FILIP1L: variants seen among roughly 807,000 people sequenced by gnomAD.
FILIP1L encodes filamin A interacting protein 1 like.
A neutral mutation model predicts 96.6 loss-of-function variants in FILIP1L; 55 were observed. The observed-to-expected ratio is 0.57, with a 90% CI of 0.46 to 0.71. FILIP1L has a LOEUF of 0.71. FILIP1L is among the 30% of genes least tolerant of loss of function. The pLI is 0.00. For missense variants in FILIP1L, 1,304 were observed against 1,321.2 expected (o/e 0.99, Z 0.20); for synonymous variants, 467 against 473.9 (o/e 0.99, Z 0.19).
chr3:100,081,030 G>T (rs1217176625), intron 1 of FILIP1L, among the ~76,000 whole-genome samples: 1 of 152,174 alleles, frequency 6.6e-6, no homozygotes, highest in Non-Finnish European at 1.5e-5. Flanking sequence ...TGAGCATCTT[G>T]TGTAATGAAG....
intron 4 of FILIP1L, among the ~76,000 whole-genome samples, chr3:99,864,756 C>CA (rs1430064600): frequency 2.0e-5 from 3 of 152,196 alleles, no homozygotes; most frequent in African/African-American, 7.2e-5. Flanking sequence ...CAGAACACGG[C>CA]ATGGTGTGCT....
Position 100,065,833 on chromosome 3 carries a change from C to T in FILIP1L, c.-11+48220G>A, listed in dbSNP as rs6789840. On this transcript the variant is annotated intron_variant, in intron 1 of 5. Transcript: ENST00000477258. ...AATTCCATCAATAAATGTTTATTGG[C>T]CAGGTATCATTTACCTAATACTGTG... Among the ~76,000 whole-genome samples, 674 of 152,238 alleles carry T rather than the reference C, an allele frequency of 4.4e-3. 7 individuals carry two copies. Among genetic ancestry groups the T allele is most frequent in the African/African-American group, 0.016 (660 of 41,538 alleles).
intron 1 of FILIP1L, among the ~76,000 whole-genome samples, chr3:100,013,216 GTT>G (rs1491564823): frequency 3.4e-5 from 4 of 119,182 alleles, no homozygotes; most frequent in African/African-American, 7.1e-5. Flanking sequence ...CCAGTGAGGT[GTT>G]GTTGTTGTTG....
At chr3:100,061,480 C>T (rs954632243) in intron 1 of FILIP1L, among the ~76,000 whole-genome samples, 4 of 152,214 alleles carry the variant, frequency 2.6e-5, no homozygotes, top group Non-Finnish European at 5.9e-5. Context: ...TCTCCTCCTA[C>T]CCACATTTTC....
chr3:99,985,163 A>T (rs543882406), intron 1 of FILIP1L, among the ~76,000 whole-genome samples: 2 of 152,290 alleles, frequency 1.3e-5, no homozygotes, highest in South Asian at 4.1e-4. Context: ...TTGAACAAAA[A>T]ATCATCCTAG....
At chr3:100,050,880 T>C (rs887893136) in intron 1 of FILIP1L, among the ~76,000 whole-genome samples, 1 of 152,160 alleles carries the variant, frequency 6.6e-6, no homozygotes, top group Non-Finnish European at 1.5e-5. Context: ...GATAACTCTG[T>C]GAGACACATT....
intron 1 of FILIP1L, among the ~76,000 whole-genome samples, chr3:100,054,654 A>G (rs996339335): frequency 6.6e-6 from 1 of 152,076 alleles, no homozygotes; most frequent in Non-Finnish European, 1.5e-5. Context: ...CAAAGAAACC[A>G]TGCTGGACAA....
chr3:100,103,546 G>A (rs192489), intron 1 of FILIP1L, among the ~76,000 whole-genome samples: 2 of 152,178 alleles, frequency 1.3e-5, no homozygotes, highest in South Asian at 4.1e-4. Context: ...AGGCAAGTTG[G>A]AAGCACGGAT....
At chr3:100,045,326 T>C (rs2065262373) in intron 1 of FILIP1L, among the ~76,000 whole-genome samples, 1 of 152,200 alleles carries the variant, frequency 6.6e-6, no homozygotes, top group Non-Finnish European at 1.5e-5. Context: ...TATTACTATG[T>C]CTAGGAAAAT....
At chr3:99,936,642 G>A (rs962247657) in intron 1 of FILIP1L, among the ~76,000 whole-genome samples, 1 of 149,886 alleles carries the variant, frequency 6.7e-6, no homozygotes. Flanking sequence ...AAAATGCAGG[G>A]ATTACAGGCA....
At chr3:100,110,498 A>G (rs771565640) in intron 1 of FILIP1L, among the ~76,000 whole-genome samples, 12 of 152,308 alleles carry the variant, frequency 7.9e-5, no homozygotes, top group South Asian at 4.1e-4. Context: ...TCAAGCCACA[A>G]ATAGAGAAAA....
intron 1 of FILIP1L, among the ~76,000 whole-genome samples, chr3:100,057,284 A>G (rs2107334093): frequency 6.6e-6 from 1 of 152,314 alleles, no homozygotes; most frequent in East Asian, 1.9e-4. Flanking sequence ...GGAAACCAGG[A>G]AAGCAGTGAG....
intron 1 of FILIP1L, among the ~76,000 whole-genome samples, chr3:100,062,401 G>A (rs998405565): frequency 6.6e-6 from 1 of 152,000 alleles, no homozygotes; most frequent in Non-Finnish European, 1.5e-5. Context: ...GTGAGCCACC[G>A]CGCCCGGTCT....
At chr3:99,872,181 A>G (rs1944823480) in intron 4 of FILIP1L, among the ~76,000 whole-genome samples, 1 of 150,302 alleles carries the variant, frequency 6.7e-6, no homozygotes, top group Non-Finnish European at 1.5e-5. Flanking sequence ...TGTGGACATC[A>G]GTTTCTTCTG....
intron 1 of FILIP1L, among the ~76,000 whole-genome samples, chr3:100,082,471 A>G (rs1021766598): frequency 5.3e-5 from 8 of 152,116 alleles, no homozygotes; most frequent in Non-Finnish European, 7.4e-5. Context: ...AATGGTTTCT[A>G]TTTTCTTCTA....
intron 4 of FILIP1L, among the ~76,000 whole-genome samples, chr3:99,870,115 T>G (rs1471099108): frequency 6.6e-6 from 1 of 152,252 alleles, no homozygotes; most frequent in Non-Finnish European, 1.5e-5. Flanking sequence ...CCCATGAGGG[T>G]TATTGCTCAT....
chr3:99,883,417 G>A (rs1157028090), intron 4 of FILIP1L, among the ~76,000 whole-genome samples: 1 of 152,152 alleles, frequency 6.6e-6, no homozygotes, highest in African/African-American at 2.4e-5. Flanking sequence ...TTCACACCCT[G>A]TGTCCAAAAG....
At chr3:100,064,989 TAAC>T (rs1403425455) in intron 1 of FILIP1L, among the ~76,000 whole-genome samples, 1 of 152,176 alleles carries the variant, frequency 6.6e-6, no homozygotes, top group Admixed American at 6.5e-5. Context: ...CATGTGTGTG[TAAC>T]AAAACACTAT....
rs1381408994 is a variant in FILIP1L, at chr3:100,056,017, G to C, written c.-11+58036C>G. On this transcript the variant is annotated intron_variant, in intron 1 of 5. Coordinates refer to ENST00000477258, the MANE Select transcript of FILIP1L (RefSeq NM_001387850.1). ...AGAGAAGGATAGCCTAGTTGATCTG[G>C]TTGGGGAAATAAGACACAGGTAAAA... Among the ~76,000 whole-genome samples the C allele has an allele frequency of 8.5e-5, 13 of 152,270 alleles. No individual in the cohort carries two copies. The East Asian group carries it at 2.3e-3, about 27-fold the overall frequency.
Sources: allele counts gnomAD v4.1 joint callset (sites outside exome capture counted in the v4.1 genomes callset), GRCh38; gene constraint gnomAD v4.1.1; transcripts MANE v1.5; gene names NCBI Gene and HGNC (gene_info 2026-07-23, HGNC 2026-07-21).